The following SKAP2 variants were observed in gnomAD, a reference collection of about 807,000 sequenced individuals.
SKAP2 encodes the protein src kinase associated phosphoprotein 2, also known as src kinase-associated phosphoprotein 2.
SKAP2 carries 28 observed loss-of-function variants against 54.9 expected under a neutral mutation model. The ratio of observed to expected loss-of-function variants is 0.51; its 90% CI spans 0.38 to 0.70. SKAP2 has a LOEUF of 0.70. SKAP2 is among the 30% of genes least tolerant of loss of function. The probability of loss-of-function intolerance (pLI) is 0.00; values close to 1 mark genes in which losing one functional copy is unlikely to be tolerated. For synonymous variants in SKAP2, 137 were observed against 134.3 expected, an observed-to-expected ratio of 1.02 and a Z score of -0.14; for missense variants, 356 against 424.1, an observed-to-expected ratio of 0.84 and a Z score of 1.41.
At chr7:26,736,909 A>G (rs1787956161) in intron 6 of SKAP2, among the ~76,000 whole-genome samples, 1 of 152,146 alleles carries the variant, frequency 6.6e-6, no homozygotes, top group South Asian at 2.1e-4. Flanking sequence ...AAAAAGAAAA[A>G]AAAAAAAAGG....
At chr7:26,846,130 T>C (rs1784916557) in intron 3 of SKAP2, among the ~76,000 whole-genome samples, 1 of 152,152 alleles carries the variant, frequency 6.6e-6, no homozygotes, top group Non-Finnish European at 1.5e-5. Context: ...TAAGAATTTT[T>C]GTGGTATGAA....
At chr7:26,725,694 A>C in intron 8 of SKAP2, 129 bp from the exon 9 acceptor site, 1 of 1,006,674 alleles carries the variant, frequency 9.9e-7, no homozygotes. Flanking sequence ...CTTAACTAAA[A>C]ACATGTTTAA....
intron 10 of SKAP2, among the ~76,000 whole-genome samples, chr7:26,689,182 A>C (rs1786723378): frequency 6.6e-6 from 1 of 152,106 alleles, no homozygotes; most frequent in Non-Finnish European, 1.5e-5. Context: ...CTTCTTGTCC[A>C]CCCGGCCTTG....
intron 4 of SKAP2, among the ~76,000 whole-genome samples, chr7:26,812,526 T>C (rs1326361786): frequency 1.3e-5 from 2 of 152,208 alleles, no homozygotes; most frequent in South Asian, 2.1e-4. Context: ...CATAACTTCA[T>C]AGAATATAAA....
At chr7:26,767,397 A>C (rs1447133289) in intron 4 of SKAP2, among the ~76,000 whole-genome samples, 1 of 151,726 alleles carries the variant, frequency 6.6e-6, no homozygotes, top group African/African-American at 2.4e-5. Flanking sequence ...CTGTTTTGTT[A>C]ATCTTTTCAA....
intron 1 of SKAP2, among the ~76,000 whole-genome samples, chr7:26,860,614 A>C (rs1254269834): frequency 6.6e-6 from 1 of 152,048 alleles, no homozygotes; most frequent in South Asian, 2.1e-4. Context: ...GTTATGGGAC[A>C]CTAGATACAC....
At chr7:26,755,297 C>A (rs1782765684) in intron 4 of SKAP2, among the ~76,000 whole-genome samples, 2 of 151,878 alleles carry the variant, frequency 1.3e-5, no homozygotes, top group African/African-American at 4.9e-5. Flanking sequence ...AAGACTTAGT[C>A]CAATTCTTTC....
At chr7:26,709,706 TG>T (rs1418523205) in intron 9 of SKAP2, among the ~76,000 whole-genome samples, 1 of 152,168 alleles carries the variant, frequency 6.6e-6, no homozygotes, top group East Asian at 1.9e-4. Flanking sequence ...ACTATGATCC[TG>T]TGCTCTTTAG....
intron 4 of SKAP2, among the ~76,000 whole-genome samples, chr7:26,741,389 C>T (rs576503655): frequency 1.3e-4 from 16 of 126,808 alleles, no homozygotes; most frequent in Admixed American, 3.1e-4. Flanking sequence ...TAGTGGTATA[C>T]GCGCCTGCAG....
chr7:26,797,510 C>T (rs1253963457), intron 4 of SKAP2, among the ~76,000 whole-genome samples: 4 of 152,166 alleles, frequency 2.6e-5, no homozygotes, highest in African/African-American at 9.7e-5. Flanking sequence ...AAAGCAGATA[C>T]AGCTTAGATC....
intron 6 of SKAP2, among the ~76,000 whole-genome samples, chr7:26,737,662 T>C (rs964744619): frequency 1.3e-5 from 2 of 152,212 alleles, no homozygotes; most frequent in African/African-American, 4.8e-5. Context: ...TCTTAAAGTG[T>C]CCTTTCTGGA....
chr7:26,806,988 G>A (rs1784042244), intron 4 of SKAP2, among the ~76,000 whole-genome samples: 1 of 152,170 alleles, frequency 6.6e-6, no homozygotes, highest in South Asian at 2.1e-4. Flanking sequence ...GAAAGTCGCT[G>A]CAGATATGAT....
chr7:26,740,756 C>T (rs1310214269), intron 4 of SKAP2, among the ~76,000 whole-genome samples: 9 of 152,096 alleles, frequency 5.9e-5, no homozygotes, highest in East Asian at 1.9e-4. Flanking sequence ...GAGGCCGAGG[C>T]GGGTGGATCA....
chr7:26,815,223 A>T (rs887376650), intron 4 of SKAP2, among the ~76,000 whole-genome samples: 1 of 152,112 alleles, frequency 6.6e-6, no homozygotes, highest in Non-Finnish European at 1.5e-5. Context: ...CAGGATTTTA[A>T]ATGCAAATTC....
intron 9 of SKAP2, among the ~76,000 whole-genome samples, chr7:26,705,747 T>C (rs1787142639): frequency 6.6e-6 from 1 of 152,204 alleles, no homozygotes; most frequent in African/African-American, 2.4e-5. Flanking sequence ...TCCCAGATGC[T>C]TCTTGCCAAC....
chr7:26,701,752 A>C (rs62447706), intron 9 of SKAP2, among the ~76,000 whole-genome samples: 3 of 47,416 alleles, frequency 6.3e-5, no homozygotes, highest in Non-Finnish European at 5.3e-5. Flanking sequence ...TAAATAAATA[A>C]ATAAACAAAT....
intron 4 of SKAP2, among the ~76,000 whole-genome samples, chr7:26,762,600 G>A (rs1414198500): frequency 2.0e-5 from 3 of 152,000 alleles, no homozygotes; most frequent in East Asian, 3.9e-4. Flanking sequence ...CACTTTGAGA[G>A]GCTGAGGCGG....
At chr7:26,658,753 A>G in the SKAP2 span, among the ~76,000 whole-genome samples, 1 of 152,126 alleles carries the variant, frequency 6.6e-6, no homozygotes, top group African/African-American at 2.4e-5. Flanking sequence ...GTCATTAGGA[A>G]ACAACAGCTA....
downstream of SKAP2, among the ~76,000 whole-genome samples, chr7:26,662,817 T>G (rs181776721): frequency 1.3e-5 from 2 of 152,136 alleles, no homozygotes; most frequent in East Asian, 3.9e-4. Context: ...TTCTGCTGGG[T>G]TCCCAGAAAG....
Sources: allele counts gnomAD v4.1 joint callset (sites outside exome capture counted in the v4.1 genomes callset), GRCh38; gene constraint gnomAD v4.1.1; transcripts MANE v1.5; gene names NCBI Gene and HGNC (gene_info 2026-07-23, HGNC 2026-07-21).